The following USP19 variants were observed in gnomAD, a reference collection of about 807,000 sequenced individuals.
USP19 encodes the protein ubiquitin carboxyl-terminal hydrolase 19.
USP19 carries 40 observed loss-of-function variants against 144.8 expected under a neutral mutation model. The ratio of observed to expected loss-of-function variants is 0.28; its 90% CI spans 0.21 to 0.36. The LOEUF (loss-of-function observed/expected upper bound fraction) is 0.36, where lower values mean the gene tolerates loss of function less well. Ranked by LOEUF, USP19 falls within the 10% of genes least tolerant of loss-of-function variation. USP19 has a pLI of 1.00. For missense variants in USP19, 1,518 were observed against 1,822.5 expected, an observed-to-expected ratio of 0.83 and a Z score of 3.04; for synonymous variants, 701 against 709.3, an observed-to-expected ratio of 0.99 and a Z score of 0.19.
In USP19 at chr3:49,117,437, C is replaced by G; in HGVS notation, c.606G>C (p.Leu202=). ...KVPMLTWPSL[L]KKPLGTQELV... ...CCAACCCTGTACTACTAGAACTCAC[C>G]AGGAGGGAGGGCCACGTGAGCATAG... The change falls in exon 5 of 27, where the codon CTG becomes CTC. Residue 202 remains leucine (L), a splice_region_variant and synonymous_variant. Transcript: ENST00000417901. The surrounding 1 kb of genome is among the most constrained non-coding windows in gnomAD (Gnocchi z 4.4). 6.2e-7 allele frequency: 1 copy of G among 1,614,114 alleles called. No individual in the cohort carries two copies. Among genetic ancestry groups the G allele is most frequent in the Non-Finnish European group, 8.5e-7 (1 of 1,180,020 alleles).
chr3:49,114,109 C>T lies in USP19; in HGVS notation c.2404-16G>A, dbSNP rs533450165. The stretch of plus-strand genomic sequence containing the variant: ...TCACCAGGAACTGTGGCAAAAAGGG[C>T]AGTCAGTGAGGGAGGTGGGCCACGT... On this transcript the variant is annotated splice_polypyrimidine_tract_variant and intron_variant, in intron 16 of 26. Coordinates refer to ENST00000417901, the MANE Select transcript of USP19 (RefSeq NM_001199161.2). This position sits in a 1 kb window ranked among gnomAD's most constrained non-coding sequence, Gnocchi z 4.5. 1.3e-4 allele frequency: 203 copies of T among 1,614,162 alleles called. 1 individual carries two copies. In the South Asian group the frequency reaches 2.1e-3, roughly 17 times the overall value.
Position 49,111,692 on chromosome 3 carries a change from C to T in USP19, c.3025G>A (p.Asp1009Asn). 6.3e-7 allele frequency: 1 copy of T among 1,598,478 alleles called. No homozygotes were observed. The highest frequency in any genetic ancestry group is 8.5e-7 in the Non-Finnish European group (1 of 1,171,246). ...TGGAGCTCAGGTGGCTGAATGGGGT[C>T]TCTCTCGCTGTCCCCAGCCTCCAGG... ...GSLEAGDSER[D>N]PIQPPELQLV... The change falls in exon 21 of 27, where the codon GAC (aspartate) becomes AAC (asparagine). Residue 1009 changes from aspartate to asparagine, a missense_variant. By Grantham distance (23) the Asp-to-Asn change is conservative. This residue lies in a region of USP19 where 413 missense variants were observed against 515.8 expected (regional missense o/e 0.80). Transcript: ENST00000417901. The surrounding 1 kb of genome is among the most constrained non-coding windows in gnomAD (Gnocchi z 5.9).
In USP19 at chr3:49,111,575, A is replaced by C. The variant is rs774347852; in HGVS notation, c.3142T>G (p.Ser1048Ala). 2 of 1,613,094 alleles carry C rather than the reference A, an allele frequency of 1.2e-6. No homozygotes were observed. Among genetic ancestry groups the C allele is most frequent in the Non-Finnish European group, 1.7e-6 (2 of 1,180,008 alleles). The change falls in exon 21 of 27, where the codon TCT becomes GCT. Residue 1048 changes from serine (S) to alanine (A), a missense_variant. Physicochemically the swap from Ser to Ala is moderately conservative, Grantham distance 99 (BLOSUM62 1). Transcript: ENST00000417901. The surrounding 1 kb of genome is among the most constrained non-coding windows in gnomAD (Gnocchi z 5.9). ...RGPVPSTSGI[S>A]SEMLASGPIE... Reference sequence around the variant, plus strand: ...GGCCCACTGGCCAGCATCTCAGAAGAAATTCCACTGGTGCTGGGCACAGGA... The same window carrying C: ...GGCCCACTGGCCAGCATCTCAGAAGCAATTCCACTGGTGCTGGGCACAGGA...
Position 49,112,094 on chromosome 3 carries a change from T to C in USP19, c.2766-46A>G, listed in dbSNP as rs1403644147. The C allele has an allele frequency of 6.2e-7, 1 of 1,603,202 alleles. No individual in the cohort carries two copies. The highest frequency in any genetic ancestry group is 2.2e-5 in the East Asian group (1 of 44,728). On this transcript the variant is annotated intron_variant, in intron 19 of 26. Coordinates refer to ENST00000417901, the MANE Select transcript of USP19 (RefSeq NM_001199161.2). This position sits in a 1 kb window ranked among gnomAD's most constrained non-coding sequence, Gnocchi z 4.9. ...AGGATAGGCCCTTAGCCCCATCTCC[T>C]ATGACTCCATACTGGGGGCTAGTCA...
Position 49,112,694 on chromosome 3 carries a change from T to A in USP19, c.2506-65A>T. 6.4e-7 allele frequency: 1 copy of A among 1,559,546 alleles called. No homozygotes were observed. Among genetic ancestry groups the A allele is most frequent in the Non-Finnish European group, 8.7e-7 (1 of 1,148,388 alleles). ...CCCTTTCCCTAGCCCTGCCCCAGAG[T>A]TTAAGAAGGCTTGGCCCTGCCTTGG... On this transcript the variant is annotated intron_variant, in intron 17 of 26. Coordinates refer to ENST00000417901, the MANE Select transcript of USP19 (RefSeq NM_001199161.2). This position sits in a 1 kb window ranked among gnomAD's most constrained non-coding sequence, Gnocchi z 4.9.
In USP19 at chr3:49,112,024, A is replaced by G; in HGVS notation, c.2790T>C (p.Pro930=). The G allele has an allele frequency of 6.2e-7, 1 of 1,614,100 alleles. No homozygotes were observed. Residue 930 remains proline, a synonymous_variant, in exon 20 of 27, where the codon CCT becomes CCC. Coordinates refer to ENST00000417901, the MANE Select transcript of USP19 (RefSeq NM_001199161.2). This position sits in a 1 kb window ranked among gnomAD's most constrained non-coding sequence, Gnocchi z 4.9. ...CNQLCQKTHW[P]DHKGLCRPEN... ...CAGGTCGGCAGAGGCCCTTGTGGTCAGGCCAGTGGGTTTTCTGGCAGAGCC... is the reference window on the plus strand; with the variant it reads ...CAGGTCGGCAGAGGCCCTTGTGGTCGGGCCAGTGGGTTTTCTGGCAGAGCC...
chr3:49,110,377 GA>G lies in USP19; in HGVS notation c.3860-16del, dbSNP rs768775042. On this transcript the variant is annotated splice_polypyrimidine_tract_variant and intron_variant, in intron 25 of 26. Coordinates refer to ENST00000417901, the MANE Select transcript of USP19 (RefSeq NM_001199161.2). The surrounding 1 kb of genome is among the most constrained non-coding windows in gnomAD (Gnocchi z 6.1). ...CAAGCGCCAGCCTACAGCAGGGTGGGAAGAGTGTGAACAAAGTCTGCACCAC... is the reference window on the plus strand; with the variant it reads ...CAAGCGCCAGCCTACAGCAGGGTGGGAGAGTGTGAACAAAGTCTGCACCAC... The G allele has an allele frequency of 4.4e-5, 70 of 1,597,616 alleles. No homozygotes were observed. The highest frequency in any genetic ancestry group is 5.7e-5 in the Non-Finnish European group (67 of 1,170,060).
rs571806976 is a variant in USP19, at chr3:49,115,774, G to A, written c.1642C>T (p.Arg548Cys). 18 of 1,613,716 alleles carry A rather than the reference G, an allele frequency of 1.1e-5. No homozygotes were observed. The highest frequency in any genetic ancestry group is 1.7e-5 in the Admixed American group (1 of 59,994). The stretch of plus-strand genomic sequence containing the variant: ...GGGGTTACATGCTCCATGGGTGTGC[G>A]GGTTGCCACACTGTCTAGCCCTGTG... Reference protein sequence around the residue: ...EDTGLDSVATRTPMEHVTPKP... With the variant: ...EDTGLDSVATCTPMEHVTPKP... Residue 548 changes from arginine to cysteine, a missense_variant, in exon 11 of 27, where the codon CGC (arginine) becomes TGC (cysteine). Arg to Cys is a radical substitution (Grantham distance 180, BLOSUM62 -3). Transcript: ENST00000417901. The surrounding 1 kb of genome is among the most constrained non-coding windows in gnomAD (Gnocchi z 6.6).
Position 49,119,119 on chromosome 3 carries a change from G to A in USP19, c.27C>T (p.Gly9=). Reference sequence around the variant, plus strand: ...CCAGTCCTGGGGGCCCTCTCCTTGGGCCTGTGGCACTGGCCCCGCCAGACA... The same window carrying A: ...CCAGTCCTGGGGGCCCTCTCCTTGGACCTGTGGCACTGGCCCCGCCAGACA... The part of the protein sequence containing the change: MSGGASAT[G]PRRGPPGLED... Residue 9 remains glycine (G), a synonymous_variant, in exon 2 of 27, where the codon GGC becomes GGT. Transcript: ENST00000417901. 6.2e-7 allele frequency: 1 copy of A among 1,613,408 alleles called. No individual in the cohort carries two copies. The highest frequency in any genetic ancestry group is 8.5e-7 in the Non-Finnish European group (1 of 1,179,858).
chr3:49,114,328 G>A lies in USP19; in HGVS notation c.2293-44C>T, dbSNP rs1468005803. Reference sequence around the variant, plus strand: ...CACTGGGTAGCTGCACACAGAGTGGGAGATAAGATGCTCATGCTCAGAGAG... The same window carrying A: ...CACTGGGTAGCTGCACACAGAGTGGAAGATAAGATGCTCATGCTCAGAGAG... On this transcript the variant is annotated intron_variant, in intron 15 of 26. Coordinates refer to ENST00000417901, the MANE Select transcript of USP19 (RefSeq NM_001199161.2). The surrounding 1 kb of genome is among the most constrained non-coding windows in gnomAD (Gnocchi z 4.5). 1.0e-5 allele frequency: 16 copies of A among 1,578,738 alleles called. No individual in the cohort carries two copies. The highest frequency in any genetic ancestry group is 1.2e-5 in the Non-Finnish European group (14 of 1,150,096).
chr3:49,118,171 A>G (rs766630955), intron 2 of USP19, 51 bp from the exon 3 acceptor site: 1 of 672,716 alleles, frequency 1.5e-6, no homozygotes, highest in Non-Finnish European at 2.4e-6. Context: ...AGGCTGAGGT[A>G]GGAGGACTGC....
In USP19 at chr3:49,112,320, C is replaced by T. The variant is rs2043298030; in HGVS notation, c.2729G>A (p.Arg910His). 2 of 1,613,510 alleles carry T rather than the reference C, an allele frequency of 1.2e-6. No individual in the cohort carries two copies. The highest frequency in any genetic ancestry group is 1.7e-6 in the Non-Finnish European group (2 of 1,179,722). The change falls in exon 19 of 27, where the codon CGC becomes CAC. Residue 910 changes from arginine (R) to histidine (H), a missense_variant. By Grantham distance (29) the Arg-to-His change is conservative. This residue lies in a region of USP19 where 413 missense variants were observed against 515.8 expected (regional missense o/e 0.80). Transcript: ENST00000417901. The surrounding 1 kb of genome is among the most constrained non-coding windows in gnomAD (Gnocchi z 4.9). The part of the protein sequence containing the change: ...KQQSEDEKLK[R>H]CTRCYRVGYC... Reference sequence around the variant, plus strand: ...GCCCACACGGTAGCACCGGGTACAGCGCTTCAGCTTTTCATCCTCCGACTG... The same window carrying T: ...GCCCACACGGTAGCACCGGGTACAGTGCTTCAGCTTTTCATCCTCCGACTG...
chr3:49,118,295 C>T (rs541219395), intron 2 of USP19, among the ~76,000 whole-genome samples, 175 bp from the exon 3 acceptor site: 4 of 149,966 alleles, frequency 2.7e-5, no homozygotes, highest in South Asian at 4.2e-4. Flanking sequence ...GGGACAGGCA[C>T]GGTGGTTCAC....
Position 49,117,980 on chromosome 3 carries a change from C to T in USP19, c.265G>A (p.Ala89Thr). ...RLFFPSSSGS[A>T]STPQEEQTKE... The stretch of plus-strand genomic sequence containing the variant: ...GTCTGCTCCTCTTGAGGAGTGGATG[C>T]TGACCCTGACGATGAAGGAAAGAAC... The change falls in exon 3 of 27, where the codon GCA becomes ACA. Residue 89 changes from alanine to threonine, a missense_variant. Physicochemically the swap from Ala to Thr is moderately conservative, Grantham distance 58. This residue lies in a region of USP19 where 707 missense variants were observed against 728.9 expected (regional missense o/e 0.97). Transcript: ENST00000417901. The surrounding 1 kb of genome is among the most constrained non-coding windows in gnomAD (Gnocchi z 4.4). 1.9e-6 allele frequency: 3 copies of T among 1,610,234 alleles called. No homozygotes were observed. Among genetic ancestry groups the T allele is most frequent in the Non-Finnish European group, 1.7e-6 (2 of 1,179,102 alleles).
intron 17 of USP19, among the ~76,000 whole-genome samples, chr3:49,113,012 C>A (rs551408046): frequency 2.0e-5 from 3 of 152,142 alleles, no homozygotes; most frequent in African/African-American, 7.2e-5. Context: ...GGCTAGGAAC[C>A]CCTGGGGAGA....
In USP19 at chr3:49,108,295, C is replaced by A. The variant is rs1388706910; in HGVS notation, c.*117G>T. The A allele has an allele frequency of 9.6e-6, 3 of 312,544 alleles. No individual in the cohort carries two copies. Among genetic ancestry groups the A allele is most frequent in the Non-Finnish European group, 1.3e-5 (2 of 158,640 alleles). 19.4% of individuals were successfully genotyped at this position (312,544 alleles called of 1,614,324 possible). On this transcript the variant is annotated 3_prime_UTR_variant, in exon 27 of 27. Transcript: ENST00000417901. This position sits in a 1 kb window ranked among gnomAD's most constrained non-coding sequence, Gnocchi z 4.8. ...GAGGTCTCCACACCCAAATCATACC[C>A]CTCAGCTTCCCATTGACAGAGCCAG...
Position 49,116,793 on chromosome 3 carries a change from G to T in USP19, c.1060C>A (p.Pro354Thr). The T allele has an allele frequency of 6.2e-7, 1 of 1,613,992 alleles. No homozygotes were observed. Among genetic ancestry groups the T allele is most frequent in the Non-Finnish European group, 8.5e-7 (1 of 1,180,010 alleles). Residue 354 changes from proline to threonine, a missense_variant, in exon 7 of 27, where the codon CCT (proline) becomes ACT (threonine). Physicochemically the swap from Pro to Thr is conservative, Grantham distance 38. This residue lies in a region of USP19 where 707 missense variants were observed against 728.9 expected (regional missense o/e 0.97). Transcript: ENST00000417901. This position sits in a 1 kb window ranked among gnomAD's most constrained non-coding sequence, Gnocchi z 5.0. The stretch of plus-strand genomic sequence containing the variant: ...TCCTTGGCACAGTCATCTTTCCCAG[G>T]GTTTCTGCTCCGGACCATGGCTGGA... ...VSPAMVRSRN[P>T]GKDDCAKEEM...
rs1361326295 is a variant in USP19 at position 49,117,157 on chromosome 3, C to A, written c.811G>T (p.Ala271Ser). Residue 271 changes from alanine to serine, a missense_variant, in exon 6 of 27, where the codon GCT (alanine) becomes TCT (serine). Coordinates refer to ENST00000417901, the MANE Select transcript of USP19 (RefSeq NM_001199161.2). This position sits in a 1 kb window ranked among gnomAD's most constrained non-coding sequence, Gnocchi z 4.4. ...TCTGGCCCTCTGCAGAGATGCACAG[C>A]CCTCTTGGCGCTGGGCCCTGCCTGG... ...GAQAGPSAKRAVHLCRGPEGD... is the reference protein window; with the variant it reads ...GAQAGPSAKRSVHLCRGPEGD... 8.4e-6 allele frequency: 13 copies of A among 1,548,522 alleles called. No homozygotes were observed. In the South Asian group the frequency reaches 1.5e-4, roughly 18 times the overall value.
rs1344071979 is a variant in USP19 at position 49,117,757 on chromosome 3, T to C, written c.372A>G (p.Ala124=). 6.2e-7 allele frequency: 1 copy of C among 1,614,170 alleles called. No individual in the cohort carries two copies. Among genetic ancestry groups the C allele is most frequent in the Admixed American group, 1.7e-5 (1 of 60,024 alleles). The change falls in exon 4 of 27, where the codon GCA becomes GCG. Residue 124 remains alanine (A), a synonymous_variant. Coordinates refer to ENST00000417901, the MANE Select transcript of USP19 (RefSeq NM_001199161.2). This position sits in a 1 kb window ranked among gnomAD's most constrained non-coding sequence, Gnocchi z 4.4. The stretch of plus-strand genomic sequence containing the variant: ...CACGAAGCTTGACAATCACCTCTTC[T>C]GCACTCTGCCTCCAATCGAGCAACA... The part of the protein sequence containing the change: ...PELLLDWRQS[A]EEVIVKLRVG...
Sources: gnomAD v4.1 joint callset for allele counts (sites outside exome capture counted in the v4.1 genomes callset) on GRCh38, gnomAD v4.1.1 for gene constraint, gnomAD v4.1.1 regional missense constraint, Gnocchi (gnomAD v3.1) non-coding constraint, MANE v1.5 for transcripts, NCBI Gene and HGNC (gene_info 2026-07-23, HGNC 2026-07-21) for gene names.